Variants in PRAMEF7 observed in about 807,000 individuals in gnomAD.
PRAMEF7 encodes PRAME family member 7.
A neutral mutation model predicts 12.3 loss-of-function variants in PRAMEF7; 2 were observed. The ratio of observed to expected loss-of-function variants is 0.16; its 90% CI spans 0.07 to 0.51. The LOEUF is 0.51. PRAMEF7 is among the 20% of genes least tolerant of loss of function. The pLI, the probability that PRAMEF7 is intolerant of heterozygous loss-of-function variation, is 0.95. For synonymous variants in PRAMEF7, 5 were observed against 117.1 expected (o/e 0.04, Z 6.18); for missense variants, 14 against 275.4 (o/e 0.05, Z 6.72).
chr1:12,920,269 G>C lies in PRAMEF7; in HGVS notation c.1281G>C (p.Gly427=), dbSNP rs372588278. 7.4e-6 allele frequency: 12 copies of C among 1,612,894 alleles called. No homozygotes were observed. The African/African-American group carries it at 1.3e-4, about 18-fold the overall frequency. ...ACACCCAGGGTGCTCTCTGCTGGGG[G>C]AGATTTGCTGAACTTGGGGCTGAGC... The change falls in exon 3 of 3, where the codon GGG becomes GGC. Residue 427 remains glycine (G), a synonymous_variant. Transcript: ENST00000330881.
Sources: gnomAD v4.1 joint callset for allele counts on GRCh38, gnomAD v4.1.1 for gene constraint, MANE v1.5 for transcripts, NCBI Gene and HGNC (gene_info 2026-07-23, HGNC 2026-07-21) for gene names.